CEP112: variants seen among roughly 807,000 people sequenced by gnomAD.
The protein encoded by CEP112 is centrosomal protein of 112 kDa.
Under a neutral mutation model 153.0 loss-of-function variants are expected in CEP112, and 127 were observed. That is an observed-to-expected ratio of 0.83 (90% CI 0.72 to 0.96). The LOEUF (loss-of-function observed/expected upper bound fraction) is 0.96, where lower values mean the gene tolerates loss of function less well. Ranked by LOEUF, CEP112 falls within the 40% of genes least tolerant of loss-of-function variation. The pLI is 0.00. For missense variants in CEP112, 1,089 were observed against 1,101.2 expected, an observed-to-expected ratio of 0.99 and a Z score of 0.16; for synonymous variants, 358 against 374.4, an observed-to-expected ratio of 0.96 and a Z score of 0.51.
chr17:66,187,642 C>T (rs534422931), intron 1 of CEP112, among the ~76,000 whole-genome samples: 1 of 152,310 alleles, frequency 6.6e-6, no homozygotes, highest in Admixed American at 6.5e-5. Flanking sequence ...GTGCTCTTTC[C>T]TTAGTCTCCT....
chr17:66,080,096 T>C (rs1402233578), intron 8 of CEP112, among the ~76,000 whole-genome samples: 1 of 152,092 alleles, frequency 6.6e-6, no homozygotes, highest in Non-Finnish European at 1.5e-5. Context: ...GATATAGACA[T>C]GGGCAAAGAC....
chr17:65,820,412 G>A (rs1055820767), intron 21 of CEP112, among the ~76,000 whole-genome samples: 1 of 151,938 alleles, frequency 6.6e-6, no homozygotes, highest in African/African-American at 2.4e-5. Flanking sequence ...AATAAGAAAA[G>A]CTCCCAGAAT....
intron 18 of CEP112, among the ~76,000 whole-genome samples, chr17:65,934,938 G>A (rs1278904400): frequency 6.6e-6 from 1 of 152,206 alleles, no homozygotes; most frequent in East Asian, 1.9e-4. Flanking sequence ...ACAGGACAGA[G>A]TGAGTACAAG....
intron 18 of CEP112, among the ~76,000 whole-genome samples, chr17:65,942,540 G>A (rs2061536317): frequency 6.6e-6 from 1 of 152,178 alleles, no homozygotes; most frequent in South Asian, 2.1e-4. Flanking sequence ...GGAAAAGGAA[G>A]GGTAAAGGGT....
intron 17 of CEP112, among the ~76,000 whole-genome samples, chr17:66,004,231 C>T (rs1328076902): frequency 1.3e-5 from 2 of 151,810 alleles, no homozygotes; most frequent in Non-Finnish European, 2.9e-5. Flanking sequence ...CCTGTAATAC[C>T]AGCACTTTGG....
intron 17 of CEP112, among the ~76,000 whole-genome samples, chr17:65,970,767 CAT>C (rs1248883821): frequency 6.9e-6 from 1 of 145,854 alleles, no homozygotes. Flanking sequence ...AGGTATGTTA[CAT>C]GTTACATGCA....
At chr17:66,027,102 C>T (rs570682925) in intron 16 of CEP112, among the ~76,000 whole-genome samples, 1 of 152,118 alleles carries the variant, frequency 6.6e-6, no homozygotes, top group African/African-American at 2.4e-5. Flanking sequence ...CTTGGCTGGG[C>T]GCAATGGCTC....
At chr17:65,775,653 C>T (rs1277906487) in intron 21 of CEP112, among the ~76,000 whole-genome samples, 1 of 152,070 alleles carries the variant, frequency 6.6e-6, no homozygotes, top group African/African-American at 2.4e-5. Flanking sequence ...CAGGCATGTG[C>T]CACCACACCC....
chr17:65,799,578 G>A (rs1444182191), intron 21 of CEP112, among the ~76,000 whole-genome samples: 6 of 152,206 alleles, frequency 3.9e-5, no homozygotes, highest in Non-Finnish European at 5.9e-5. Flanking sequence ...TGATCCAGAA[G>A]AGCAGAGGAG....
intron 16 of CEP112, among the ~76,000 whole-genome samples, chr17:66,020,264 T>C (rs959536783): frequency 7.9e-5 from 12 of 152,210 alleles, no homozygotes; most frequent in African/African-American, 2.4e-4. Flanking sequence ...AAAAAGTATG[T>C]CCATTTCATA....
intron 21 of CEP112, among the ~76,000 whole-genome samples, chr17:65,760,605 CT>C (rs2052554946): frequency 6.6e-6 from 1 of 152,030 alleles, no homozygotes; most frequent in Non-Finnish European, 1.5e-5. Flanking sequence ...TTCCACTTGG[CT>C]CTGGTATATA....
intron 6 of CEP112, among the ~76,000 whole-genome samples, chr17:66,125,453 G>A (rs1475579221): frequency 6.6e-6 from 1 of 152,140 alleles, no homozygotes; most frequent in East Asian, 1.9e-4. Flanking sequence ...GTTCAAGGCT[G>A]CAGTGAGCAC....
At chr17:65,799,917 G>A (rs1364748969) in intron 21 of CEP112, among the ~76,000 whole-genome samples, 2 of 152,072 alleles carry the variant, frequency 1.3e-5, no homozygotes, top group Admixed American at 6.6e-5. Context: ...ATTTCTCAGA[G>A]TACATCTAGA....
chr17:65,685,995 T>C (rs2047768295), intron 24 of CEP112, among the ~76,000 whole-genome samples: 1 of 152,098 alleles, frequency 6.6e-6, no homozygotes, highest in African/African-American at 2.4e-5. Context: ...CTTGTGTTAG[T>C]GTCACAGATT....
At chr17:66,072,651 T>C (rs1031742886) in intron 8 of CEP112, among the ~76,000 whole-genome samples, 3 of 152,330 alleles carry the variant, frequency 2.0e-5, no homozygotes, top group Admixed American at 6.5e-5. Context: ...ATATCTCCAA[T>C]GTACAGCTCA....
At chr17:66,126,012 A>G (rs73353849) in intron 6 of CEP112, among the ~76,000 whole-genome samples, 5,304 of 152,280 alleles carry the variant, frequency 0.035, 342 homozygotes, top group African/African-American at 0.12. Flanking sequence ...TGTGTCAGCA[A>G]GCTAATTTTT....
rs117512367 is a variant in CEP112 at position 66,055,710 on chromosome 17, G to A, written c.1075-1831C>T. Among the ~76,000 whole-genome samples the A allele has an allele frequency of 3.9e-3, 601 of 152,226 alleles. 1 individual carries two copies. The highest frequency in any genetic ancestry group is 7.0e-3 in the Admixed American group (107 of 15,296). ...TCCACAGTTGTTTTATAAAGGGACC[G>A]TCGCTGTCGGAGGGGTGGCTGTAAG... On this transcript the variant is annotated intron_variant, in intron 11 of 26. Transcript: ENST00000535342.
chr17:65,988,295 T>C (rs2063476131), intron 17 of CEP112, among the ~76,000 whole-genome samples: 2 of 151,650 alleles, frequency 1.3e-5, no homozygotes, highest in Admixed American at 6.6e-5. Flanking sequence ...AGCAAACATA[T>C]CCAATAAAAA....
intron 19 of CEP112, among the ~76,000 whole-genome samples, chr17:65,909,612 C>G (rs73346816): frequency 1.3e-5 from 2 of 152,142 alleles, no homozygotes; most frequent in Non-Finnish European, 2.9e-5. Flanking sequence ...ACTGAACATA[C>G]TTGGCACTGG....
Sources: gnomAD v4.1 joint callset for allele counts (sites outside exome capture counted in the v4.1 genomes callset) on GRCh38, gnomAD v4.1.1 for gene constraint, MANE v1.5 for transcripts, NCBI Gene and HGNC (gene_info 2026-07-23, HGNC 2026-07-21) for gene names.